The following ADAMTS9 variants were observed in gnomAD, a reference collection of about 807,000 sequenced individuals.
ADAMTS9 encodes ADAM metallopeptidase with thrombospondin type 1 motif 9.
Under a neutral mutation model 257.1 loss-of-function variants are expected in ADAMTS9, and 107 were observed. The observed-to-expected ratio is 0.42, with a 90% confidence interval of 0.36 to 0.49. ADAMTS9 has a LOEUF of 0.49. ADAMTS9 is among the 20% of genes least tolerant of loss of function. ADAMTS9 has a pLI of 0.03. For synonymous variants in ADAMTS9, 982 were observed against 880.9 expected (o/e 1.11, Z -2.03); for missense variants, 2,353 against 2,469.1 (o/e 0.95, Z 1.00).
intron 32 of ADAMTS9, 111 bp downstream of exon 32, chr3:64,546,647 G>A: frequency 8.4e-7 from 1 of 1,190,630 alleles, no homozygotes; most frequent in Non-Finnish European, 1.2e-6. Context: ...GCTAACTCCA[G>A]GGTTTCTCCT....
At chr3:64,548,861 A>G (rs1388413888) in intron 31 of ADAMTS9, among the ~76,000 whole-genome samples, 1 of 152,252 alleles carries the variant, frequency 6.6e-6, no homozygotes, top group Non-Finnish European at 1.5e-5. Context: ...TAAATTGAAA[A>G]TAACAGCAAA....
In ADAMTS9 at chr3:64,556,754, C is replaced by CTTCT. The variant is rs1173786572; in HGVS notation, c.4698+4823_4698+4824insAGAA. ...CCTTCCTTCCTTCCTTCCTTCCTTC[C>CTTCT]TCCCTCCCTTTCTTCCTTCCTCCTT... is the stretch of plus-strand genomic sequence containing the variant. On this transcript the variant is annotated intron_variant, in intron 30 of 39. Coordinates refer to ENST00000498707, the MANE Select transcript of ADAMTS9 (RefSeq NM_182920.2). 6.7e-5 allele frequency among the ~76,000 whole-genome samples: 10 copies of CTTCT among 149,686 alleles called. No homozygotes were observed. The South Asian group carries it at 2.1e-3, about 32-fold the overall frequency.
At chr3:64,606,520 A>G (rs1281577204) in intron 23 of ADAMTS9, among the ~76,000 whole-genome samples, 1 of 152,190 alleles carries the variant, frequency 6.6e-6, no homozygotes, top group African/African-American at 2.4e-5. Flanking sequence ...TTATAGATTT[A>G]TATTTTCAGT....
chr3:64,590,619 T>C (rs1227170043), intron 28 of ADAMTS9, among the ~76,000 whole-genome samples: 2 of 152,190 alleles, frequency 1.3e-5, no homozygotes, highest in Non-Finnish European at 2.9e-5. Context: ...TATAAAATAC[T>C]GGTATCAAAC....
chr3:64,613,624 C>G, intron 21 of ADAMTS9, 115 bp from the exon 22 acceptor site: 1 of 991,322 alleles, frequency 1.0e-6, no homozygotes, highest in Non-Finnish European at 1.4e-6. Flanking sequence ...CAATCACTCT[C>G]CCATAGCAAT....
chr3:64,607,128 T>C, intron 22 of ADAMTS9, 49 bp from the exon 23 acceptor site: 1 of 1,598,602 alleles, frequency 6.3e-7, no homozygotes, highest in East Asian at 2.2e-5. Flanking sequence ...AATCTTCTCT[T>C]TCCCTTACTT....
intron 28 of ADAMTS9, among the ~76,000 whole-genome samples, chr3:64,585,210 T>C (rs779900211): frequency 6.6e-6 from 1 of 152,200 alleles, no homozygotes; most frequent in Non-Finnish European, 1.5e-5. Flanking sequence ...TCTATATTTC[T>C]TCCTCTGTCC....
intron 3 of ADAMTS9, among the ~76,000 whole-genome samples, chr3:64,662,581 G>A (rs1396511436): frequency 6.6e-6 from 1 of 152,000 alleles, no homozygotes; most frequent in East Asian, 1.9e-4. Flanking sequence ...TTGGTGTTCT[G>A]TTATCAGGTG....
At chr3:64,593,960 GA>G (rs5849606) in intron 28 of ADAMTS9, among the ~76,000 whole-genome samples, 6,659 of 69,326 alleles carry the variant, frequency 0.096, 482 homozygotes, top group African/African-American at 0.3. Context: ...GTGTGTGTAT[GA>G]TGTGTGTGTG....
intron 11 of ADAMTS9, among the ~76,000 whole-genome samples, chr3:64,647,260 T>C (rs1700820160): frequency 1.3e-5 from 2 of 152,092 alleles, no homozygotes; most frequent in South Asian, 2.1e-4. Flanking sequence ...TTTGGGCTGA[T>C]GATGGTATCA....
At chr3:64,587,596 T>C (rs2084183398) in intron 28 of ADAMTS9, 1 of 152,078 alleles carries the variant, frequency 6.6e-6, no homozygotes, top group Non-Finnish European at 1.5e-5. Context: ...AGCTACTAGA[T>C]TTTTTTGGCC....
chr3:64,683,183 A>G lies in ADAMTS9; in HGVS notation c.517-1820T>C, dbSNP rs565175296. On this transcript the variant is annotated intron_variant, in intron 2 of 39. Transcript: ENST00000498707. The stretch of plus-strand genomic sequence containing the variant: ...GAGCATATCACAACATGTGAAGCCT[A>G]TCAGAGACATGAGTCCTGGGAAAGA... Among the ~76,000 whole-genome samples, 8 of 152,290 alleles carry G rather than the reference A, an allele frequency of 5.3e-5. No homozygotes were observed. The East Asian group carries it at 9.7e-4, about 18-fold the overall frequency.
At chr3:64,622,649 G>T in intron 16 of ADAMTS9, 63 bp from the exon 17 acceptor site, 2 of 1,564,428 alleles carry the variant, frequency 1.3e-6, no homozygotes, top group Non-Finnish European at 1.7e-6. Context: ...TTTGAAATAT[G>T]AAGTAACATC....
At chr3:64,553,093 T>G (rs947725975) in intron 30 of ADAMTS9, among the ~76,000 whole-genome samples, 2 of 149,458 alleles carry the variant, frequency 1.3e-5, no homozygotes, top group African/African-American at 4.9e-5. Context: ...ATCACAAGTA[T>G]AGAATTCAGT....
chr3:64,594,154 G>A (rs1179422458), intron 28 of ADAMTS9, 104 bp downstream of exon 28: 3 of 1,231,502 alleles, frequency 2.4e-6, no homozygotes, highest in East Asian at 2.4e-5. Flanking sequence ...CAGAGTTTCT[G>A]GGATGCCCTT....
chr3:64,597,157 T>A (rs2106796674), intron 26 of ADAMTS9, among the ~76,000 whole-genome samples, 166 bp from the exon 27 acceptor site: 1 of 152,296 alleles, frequency 6.6e-6, no homozygotes, highest in East Asian at 1.9e-4. Flanking sequence ...ACTGTGGGGC[T>A]GTTTCATGTA....
At chr3:64,616,655 A>G (rs1246439192) in intron 19 of ADAMTS9, among the ~76,000 whole-genome samples, 1 of 152,218 alleles carries the variant, frequency 6.6e-6, no homozygotes, top group Admixed American at 6.5e-5. Context: ...GTAGGTATTC[A>G]GTGTGTGCTG....
intron 30 of ADAMTS9, among the ~76,000 whole-genome samples, chr3:64,552,812 C>T (rs1342580720): frequency 2.6e-5 from 4 of 152,180 alleles, no homozygotes; most frequent in African/African-American, 9.6e-5. Flanking sequence ...CTGCCTTGGC[C>T]TCCCAAAGTT....
At position 64,633,747 on chromosome 3, in the gene ADAMTS9, G is replaced by A. The variant is rs1306582920; in HGVS notation, c.1989C>T (p.Asn663=). Residue 663 remains asparagine, a synonymous_variant, in exon 13 of 40, where the codon AAC becomes AAT. Transcript: ENST00000498707. ...QCAHFDGKHF[N]INGLLPNVRW... ...GCACATTGGGAAGCAGACCGTTGAT[G>A]TTAAAATGCTTCCCGTCAAAGTGAG... 6.2e-7 allele frequency: 1 copy of A among 1,613,772 alleles called. No homozygotes were observed. The highest frequency in any genetic ancestry group is 2.2e-5 in the East Asian group (1 of 44,808).
Sources: allele counts gnomAD v4.1 joint callset (sites outside exome capture counted in the v4.1 genomes callset), GRCh38; gene constraint gnomAD v4.1.1; transcripts MANE v1.5; gene names NCBI Gene and HGNC (gene_info 2026-07-23, HGNC 2026-07-21).